Variants in ACER1 observed in about 807,000 individuals in gnomAD.
ACER1 encodes CTB-180A7.3.
In ACER1, 28 loss-of-function variants were observed where a neutral mutation model predicts 24.9. The ratio of observed to expected loss-of-function variants is 1.13; its 90% CI spans 0.83 to 1.54. The LOEUF (loss-of-function observed/expected upper bound fraction) is 1.54. Among genes scored for constraint, ACER1 ranks in the 40% most tolerant of loss-of-function variants. The pLI, the probability that ACER1 is intolerant of heterozygous loss-of-function variation, is 0.00. For missense variants in ACER1, 352 were observed against 349.3 expected (o/e 1.01, Z -0.06); for synonymous variants, 132 against 131.4 (o/e 1.00, Z -0.03).
intron 1 of ACER1, among the ~76,000 whole-genome samples, chr19:6,317,574 G>A (rs755575331): frequency 1.2e-4 from 18 of 152,194 alleles, no homozygotes; most frequent in Non-Finnish European, 2.2e-4. Context: ...GAATATCAAC[G>A]CGTGCCTGAA....
At chr19:6,327,087 C>T (rs1434252798) in intron 1 of ACER1, among the ~76,000 whole-genome samples, 1 of 152,186 alleles carries the variant, frequency 6.6e-6, no homozygotes, top group East Asian at 1.9e-4. Flanking sequence ...TTTCCTGTTT[C>T]TGTAACCCTG....
chr19:6,342,543 C>T, the ACER1 span, among the ~76,000 whole-genome samples: 11 of 151,542 alleles, frequency 7.3e-5, no homozygotes, highest in Non-Finnish European at 1.5e-4. Flanking sequence ...CATGGTGAAA[C>T]CCCGTCTCTA....
At chr19:6,338,326 T>C (rs2091722891), upstream of ACER1, among the ~76,000 whole-genome samples, 1 of 152,110 alleles carries the variant, frequency 6.6e-6, no homozygotes, top group South Asian at 2.1e-4. Context: ...TGTGGTTGTG[T>C]TTGCACAGAT....
chr19:6,319,210 G>C (rs1035707148), intron 1 of ACER1, among the ~76,000 whole-genome samples: 1 of 152,134 alleles, frequency 6.6e-6, no homozygotes. Flanking sequence ...GTCCCTAAGC[G>C]CTCAGAAGGA....
chr19:6,347,199 T>G, the ACER1 span, among the ~76,000 whole-genome samples: 1 of 145,360 alleles, frequency 6.9e-6, no homozygotes, highest in Non-Finnish European at 1.5e-5. Flanking sequence ...TTGGAAATAG[T>G]CTCTTTTTCT....
chr19:6,350,185 G>C, the ACER1 span, among the ~76,000 whole-genome samples: 7 of 150,364 alleles, frequency 4.7e-5, 1 homozygote, highest in Admixed American at 4.6e-4. Context: ...GGGAGGGAAG[G>C]GTCCGGGCGT....
chr19:6,309,879 G>A, intron 3 of ACER1, 45 bp from the exon 4 acceptor site: 1 of 1,610,328 alleles, frequency 6.2e-7, no homozygotes, highest in African/African-American at 1.3e-5. Context: ...GGAGGTCCTG[G>A]GATTGTAGGC....
chr19:6,342,994 C>G, the ACER1 span, among the ~76,000 whole-genome samples: 2 of 152,048 alleles, frequency 1.3e-5, no homozygotes, highest in African/African-American at 4.8e-5. Context: ...TCAGGCTGGT[C>G]TCGAACTCCC....
intron 1 of ACER1, among the ~76,000 whole-genome samples, chr19:6,331,476 A>G: frequency 2.2e-5 from 3 of 135,246 alleles, no homozygotes; most frequent in African/African-American, 9.9e-5. Flanking sequence ...TCACTGAGCA[A>G]GGCCTATGTG....
the ACER1 span, among the ~76,000 whole-genome samples, chr19:6,344,967 A>G: frequency 0.057 from 8,565 of 149,844 alleles, 396 homozygotes; most frequent in African/African-American, 0.13. Context: ...CCGGGTTCAC[A>G]CCATTCTCCT....
chr19:6,321,934 A>T (rs559344715), intron 1 of ACER1, among the ~76,000 whole-genome samples: 6 of 152,190 alleles, frequency 3.9e-5, no homozygotes, highest in African/African-American at 1.4e-4. Context: ...TGGTGCTTGG[A>T]TCACTGCTGT....
At chr19:6,322,754 T>C (rs765698053) in intron 1 of ACER1, among the ~76,000 whole-genome samples, 23 of 152,074 alleles carry the variant, frequency 1.5e-4, no homozygotes, top group South Asian at 8.3e-4. Flanking sequence ...ATTATCGGGG[T>C]GGGTCTGTCC....
At chr19:6,344,957 C>T in the ACER1 span, among the ~76,000 whole-genome samples, 5,468 of 151,548 alleles carry the variant, frequency 0.036, 328 homozygotes, top group African/African-American at 0.12. Context: ...CCTCCGCCTC[C>T]CGGGTTCACA....
chr19:6,344,485 TAAGTA>T, the ACER1 span, among the ~76,000 whole-genome samples: 3 of 151,866 alleles, frequency 2.0e-5, no homozygotes, highest in Non-Finnish European at 4.4e-5. Flanking sequence ...AAAGACTCGT[TAAGTA>T]AATAGTGGAT....
At chr19:6,335,731 T>G (rs1233686908), upstream of ACER1, among the ~76,000 whole-genome samples, 1 of 151,048 alleles carries the variant, frequency 6.6e-6, no homozygotes, top group Non-Finnish European at 1.5e-5. Flanking sequence ...CTCAGGAGGC[T>G]GAGGCAGGAG....
chr19:6,331,991 A>C (rs905026490), intron 1 of ACER1, among the ~76,000 whole-genome samples: 3 of 147,934 alleles, frequency 2.0e-5, no homozygotes, highest in African/African-American at 5.1e-5. Context: ...TTTGAGACGA[A>C]GTCTCGCTCT....
the ACER1 span, among the ~76,000 whole-genome samples, chr19:6,355,465 G>A: frequency 2.0e-5 from 3 of 147,920 alleles, no homozygotes; most frequent in African/African-American, 7.8e-5. Context: ...GAGACCCTCC[G>A]CCTGGCAACC....
chr19:6,332,550 G>A (rs2091693145), intron 1 of ACER1, among the ~76,000 whole-genome samples: 1 of 152,096 alleles, frequency 6.6e-6, no homozygotes, highest in Admixed American at 6.6e-5. Flanking sequence ...TGGGGTTACA[G>A]GCATGAGCCA....
At chr19:6,334,729 A>G (rs2091705868), upstream of ACER1, among the ~76,000 whole-genome samples, 1 of 152,042 alleles carries the variant, frequency 6.6e-6, no homozygotes, top group Admixed American at 6.6e-5. Flanking sequence ...TGTCATATGG[A>G]GACGATGGTG....
Sources: gnomAD v4.1 joint callset for allele counts (sites outside exome capture counted in the v4.1 genomes callset) on GRCh38, gnomAD v4.1.1 for gene constraint, MANE v1.5 for transcripts, NCBI Gene and HGNC (gene_info 2026-07-23, HGNC 2026-07-21) for gene names.